The following CFAP47 variants were observed in gnomAD, a reference collection of about 807,000 sequenced individuals.
CFAP47 encodes cilia- and flagella-associated protein 47.
Under a neutral mutation model 148.1 loss-of-function variants are expected in CFAP47, and 29 were observed. That is an observed-to-expected ratio of 0.20 (90% CI 0.15 to 0.27). CFAP47 has a LOEUF of 0.27. Among genes scored for constraint, CFAP47 ranks in the 10% least tolerant of loss-of-function variants. CFAP47 has a pLI of 1.00. For missense variants in CFAP47, 1,872 were observed against 1,697.5 expected (o/e 1.10, Z -1.81); for synonymous variants, 664 against 577.3 (o/e 1.15, Z -2.15).
At chrX:36,110,496 T>G (rs778143479) in intron 33 of CFAP47, among the ~76,000 whole-genome samples, 167 of 111,603 alleles carry the variant, frequency 1.5e-3, no homozygotes, top group Non-Finnish European at 2.9e-3. Context: ...AGTCATCCCC[T>G]TTTTGTTACT....
At chrX:36,383,473 A>G (rs782060710) in intron 63 of CFAP47, among the ~76,000 whole-genome samples, 15 of 111,837 alleles carry the variant, frequency 1.3e-4, no homozygotes, top group African/African-American at 4.5e-4. Flanking sequence ...AAGTGGGTCA[A>G]TGTACTGGAA....
intron 2 of CFAP47, among the ~76,000 whole-genome samples, chrX:35,939,028 T>C (rs1935959133): frequency 8.9e-6 from 1 of 111,777 alleles, no homozygotes; most frequent in Non-Finnish European, 1.9e-5. Flanking sequence ...ATTTCTCCTT[T>C]TGTATAAATA....
chrX:36,303,453 G>A (rs1417363209), intron 53 of CFAP47, among the ~76,000 whole-genome samples: 1 of 110,668 alleles, frequency 9.0e-6, no homozygotes, highest in Non-Finnish European at 1.9e-5. Context: ...CCAAAGCATT[G>A]GGATTACAGG....
In CFAP47 at chrX:36,385,077, T is replaced by G. The variant is rs1556024965; in HGVS notation, c.*71T>G. The G allele has an allele frequency of 2.9e-6, 2 of 681,721 alleles. No individual in the cohort carries two copies. The allele number at this position is 681,721 out of a possible 1,213,427, so 56.2% of individuals were successfully genotyped here. The stretch of plus-strand genomic sequence containing the variant: ...ACTATTATTTCATCTTTTGGAATAT[T>G]TCTGAGGAATAATGGTTTAATTATA... On this transcript the variant is annotated 3_prime_UTR_variant, in exon 64 of 64. Transcript: ENST00000378653.
intron 26 of CFAP47, among the ~76,000 whole-genome samples, chrX:36,051,107 A>G (rs749552719): frequency 6.2e-5 from 7 of 112,071 alleles, no homozygotes; most frequent in Non-Finnish European, 1.3e-4. Flanking sequence ...GCCCTTATGA[A>G]GAACCTCTGC....
At chrX:36,082,251 G>A (rs1481476728) in intron 29 of CFAP47, among the ~76,000 whole-genome samples, 3 of 110,614 alleles carry the variant, frequency 2.7e-5, no homozygotes, top group Non-Finnish European at 5.7e-5. Flanking sequence ...ATAATATCTC[G>A]TTGGGATTTT....
intron 51 of CFAP47, among the ~76,000 whole-genome samples, chrX:36,291,119 G>A (rs1205859481): frequency 9.0e-6 from 1 of 111,669 alleles, no homozygotes; most frequent in Non-Finnish European, 1.9e-5. Context: ...GGAGTGAGGC[G>A]ACCTGGGTTA....
intron 56 of CFAP47, among the ~76,000 whole-genome samples, chrX:36,311,884 T>C (rs1213157728): frequency 3.6e-5 from 4 of 111,186 alleles, no homozygotes; most frequent in Non-Finnish European, 7.6e-5. Context: ...TGTTGCACTT[T>C]GGTGCTTTTC....
intron 49 of CFAP47, among the ~76,000 whole-genome samples, chrX:36,268,225 G>A (rs1425802149): frequency 5.3e-5 from 6 of 113,484 alleles, no homozygotes; most frequent in African/African-American, 1.9e-4. Flanking sequence ...AATAGAAGAA[G>A]CAATGCATTT....
At chrX:36,023,904 C>T (rs1274016580) in intron 22 of CFAP47, among the ~76,000 whole-genome samples, 1 of 112,341 alleles carries the variant, frequency 8.9e-6, no homozygotes, top group Non-Finnish European at 1.9e-5. Context: ...ACCCAAGAGC[C>T]AAGTTCTGGA....
intron 61 of CFAP47, 24 bp from the exon 62 acceptor site, chrX:36,366,942 T>C: frequency 5.6e-6 from 6 of 1,065,396 alleles, no homozygotes; most frequent in Non-Finnish European, 7.4e-6. Context: ...GTAGTGTCAT[T>C]TAAAATCTCC....
At chrX:36,024,351 C>G (rs1407736706) in intron 22 of CFAP47, among the ~76,000 whole-genome samples, 1 of 111,597 alleles carries the variant, frequency 9.0e-6, no homozygotes, top group African/African-American at 3.3e-5. Context: ...CTCTCTTCTC[C>G]TCAAGTGTAA....
At position 36,159,595 on chromosome X, in the gene CFAP47, C is replaced by T. The variant is rs1026529809; in HGVS notation, c.5937+19C>T. ...AGCCATTGTAAGTAAATTTTACCTACGATGTCTTTGCTTCTCTTATCAGAC... is the reference window on the plus strand; with the variant it reads ...AGCCATTGTAAGTAAATTTTACCTATGATGTCTTTGCTTCTCTTATCAGAC... On this transcript the variant is annotated intron_variant, in intron 38 of 63. Transcript: ENST00000378653. 47 of 294,065 alleles carry T rather than the reference C, an allele frequency of 1.6e-4. No homozygotes were observed. Among genetic ancestry groups the T allele is most frequent in the Non-Finnish European group, 2.6e-4 (44 of 168,769 alleles). The allele number at this position is 294,065 out of a possible 1,213,427, so 24.2% of individuals were successfully genotyped here. A position where few individuals can be genotyped will look rare whatever the true frequency, so the allele number is the denominator to read the frequency against.
At chrX:36,113,567 G>A (rs1178708189) in intron 33 of CFAP47, among the ~76,000 whole-genome samples, 20 of 111,013 alleles carry the variant, frequency 1.8e-4, no homozygotes, top group South Asian at 3.8e-4. Context: ...TATGTGTCTT[G>A]TGGATTACCT....
chrX:36,270,511 G>GT lies in CFAP47; in HGVS notation c.7445-9968dup, dbSNP rs782495225. ...CCTTTACTTATTGCTCCCCCATTGG[G>GT]TTTTTTTTATTGTTGAATTTTGAGA... On this transcript the variant is annotated intron_variant, in intron 49 of 63. Coordinates refer to ENST00000378653, the MANE Select transcript of CFAP47 (RefSeq NM_001304548.2). 6.9e-5 allele frequency among the ~76,000 whole-genome samples: 7 copies of GT among 100,965 alleles called. No homozygotes were observed. In the South Asian group the frequency reaches 2.6e-3, roughly 37 times the overall value. The allele number at this position is 100,965 out of a possible 115,157, so 87.7% of individuals were successfully genotyped here. A position where few individuals can be genotyped will look rare whatever the true frequency, so the allele number is the denominator to read the frequency against.
At chrX:36,238,224 G>A (rs782706438) in intron 48 of CFAP47, among the ~76,000 whole-genome samples, 216 of 111,140 alleles carry the variant, frequency 1.9e-3, no homozygotes, top group Non-Finnish European at 3.4e-3. Context: ...TGCTGTTCTC[G>A]TGATAATGAA....
At chrX:36,366,313 C>T (rs940198776) in intron 61 of CFAP47, among the ~76,000 whole-genome samples, 4 of 111,685 alleles carry the variant, frequency 3.6e-5, no homozygotes, top group Non-Finnish European at 7.5e-5. Context: ...ACTGCCCTAT[C>T]TCTCCACTCT....
intron 56 of CFAP47, 140 bp from the exon 57 acceptor site, chrX:36,319,069 C>T: frequency 3.3e-6 from 1 of 305,941 alleles, no homozygotes; most frequent in Admixed American, 6.3e-5. Flanking sequence ...ATTTAAATCT[C>T]ATTTTAAAAT....
intron 49 of CFAP47, among the ~76,000 whole-genome samples, chrX:36,268,492 A>G (rs781853841): frequency 2.7e-5 from 3 of 112,946 alleles, no homozygotes; most frequent in Non-Finnish European, 3.7e-5. Flanking sequence ...TAGATGCTCT[A>G]TTGAATATAA....
Sources: gnomAD v4.1 joint callset for allele counts (sites outside exome capture counted in the v4.1 genomes callset) on GRCh38, gnomAD v4.1.1 for gene constraint, MANE v1.5 for transcripts, NCBI Gene and HGNC (gene_info 2026-07-23, HGNC 2026-07-21) for gene names.